DNAJC15: variants seen among roughly 807,000 people sequenced by gnomAD.
DNAJC15 encodes the protein dnaJ homolog subfamily C member 15.
In DNAJC15, 27 loss-of-function variants were observed where a neutral mutation model predicts 22.4. That is an observed-to-expected ratio of 1.20 (90% CI 0.89 to 1.66). The LOEUF (loss-of-function observed/expected upper bound fraction) is 1.66, where lower values mean the gene tolerates loss of function less well. Ranked by LOEUF, DNAJC15 falls within the 40% of genes most tolerant of loss-of-function variation. The pLI is 0.00. For missense variants in DNAJC15, 208 were observed against 187.1 expected (o/e 1.11, Z -0.65); for synonymous variants, 79 against 63.2 (o/e 1.25, Z -1.19).
intron 1 of DNAJC15, among the ~76,000 whole-genome samples, chr13:43,060,315 C>T (rs183098587): frequency 7.9e-5 from 12 of 152,106 alleles, no homozygotes; most frequent in Non-Finnish European, 1.3e-4. Context: ...TTAGAAGGAG[C>T]ATTTGTCATA....
intron 2 of DNAJC15, among the ~76,000 whole-genome samples, chr13:43,068,476 A>G (rs2040593371): frequency 6.6e-6 from 1 of 152,136 alleles, no homozygotes; most frequent in Non-Finnish European, 1.5e-5. Context: ...ATTTCTGTGT[A>G]GTATAGATCA....
Position 43,113,971 on chromosome 13 carries a change from TTCTACTCTA to T in DNAJC15, c.*6727_*6735del. On this transcript the variant is annotated 3_prime_UTR_variant, in exon 6 of 6. Coordinates refer to ENST00000379221, the MANE Select transcript of DNAJC15 (RefSeq NM_013238.3). ...TTGGGACTTAGGTAATCAGTTTGCC[TTCTACTCTA>T]TCTCATTTTGTACTCGCTTACATAC... 1 of 152,328 alleles carries T rather than the reference TTCTACTCTA, an allele frequency of 6.6e-6. No individual in the cohort carries two copies. The highest frequency in any genetic ancestry group is 2.1e-4 in the South Asian group (1 of 4,828). 9.4% of individuals were successfully genotyped at this position (152,328 alleles called of 1,614,324 possible). A position where few individuals can be genotyped will look rare whatever the true frequency, so the allele number is the denominator to read the frequency against.
intron 5 of DNAJC15, among the ~76,000 whole-genome samples, chr13:43,091,294 G>T (rs2040713760): frequency 6.6e-6 from 1 of 152,076 alleles, no homozygotes; most frequent in African/African-American, 2.4e-5. Context: ...CACCATGTTG[G>T]CCAGGCTGGT....
At chr13:43,082,857 T>TATATATATATAC (rs144193543) in intron 4 of DNAJC15, among the ~76,000 whole-genome samples, 29,897 of 149,172 alleles carry the variant, frequency 0.2, 3,678 homozygotes, top group Non-Finnish European at 0.29. Context: ...TATATATATA[T>TATATATATATAC]ATACACACAT....
At chr13:43,040,438 C>T (rs1366045100) in intron 1 of DNAJC15, among the ~76,000 whole-genome samples, 1 of 152,144 alleles carries the variant, frequency 6.6e-6, no homozygotes, top group African/African-American at 2.4e-5. Context: ...GAAGTGACCC[C>T]ATAATGTTAA....
At chr13:43,038,957 C>G (rs1462696887) in intron 1 of DNAJC15, among the ~76,000 whole-genome samples, 1 of 152,080 alleles carries the variant, frequency 6.6e-6, no homozygotes, top group Non-Finnish European at 1.5e-5. Flanking sequence ...AATTTAAAAA[C>G]CTACCTAGTA....
chr13:43,080,255 G>A (rs1047397045), intron 4 of DNAJC15, among the ~76,000 whole-genome samples: 15 of 152,038 alleles, frequency 9.9e-5, no homozygotes, highest in African/African-American at 3.4e-4. Flanking sequence ...AGGCCTCAGT[G>A]TCTGTTTTTC....
chr13:43,047,102 G>A (rs1036000501), intron 1 of DNAJC15, among the ~76,000 whole-genome samples: 3 of 152,080 alleles, frequency 2.0e-5, no homozygotes, highest in South Asian at 2.1e-4. Flanking sequence ...TTTTGGGAGC[G>A]GCCCACCCCA....
Position 43,112,778 on chromosome 13 carries a change from ACT to A in DNAJC15, c.*5533_*5534del, listed in dbSNP as rs1263861426. 8 of 152,166 alleles carry A rather than the reference ACT, an allele frequency of 5.3e-5. No homozygotes were observed. Among genetic ancestry groups the A allele is most frequent in the South Asian group, 2.1e-4 (1 of 4,820 alleles). The allele number at this position is 152,166 out of a possible 1,614,324, so 9.4% of individuals were successfully genotyped here. On this transcript the variant is annotated 3_prime_UTR_variant, in exon 6 of 6. Transcript: ENST00000379221. ...TGGTGGCACTAGGAACCAAATTCAG[ACT>A]CTGAATCGCATGCTGTTTATATTAT...
At position 43,091,379 on chromosome 13, in the gene DNAJC15, C is replaced by T. The variant is rs192043708; in HGVS notation, c.382+5541C>T. Among the ~76,000 whole-genome samples the T allele has an allele frequency of 2.8e-4, 42 of 152,332 alleles. No homozygotes were observed. The East Asian group carries it at 7.0e-3, about 25-fold the overall frequency. On this transcript the variant is annotated intron_variant, in intron 5 of 5. Coordinates refer to ENST00000379221, the MANE Select transcript of DNAJC15 (RefSeq NM_013238.3). The stretch of plus-strand genomic sequence containing the variant: ...CTGGGATTACAGGCGTGAGCCACTG[C>T]GCCTGGCCAATTCAGGTTATTTAAA...
intron 5 of DNAJC15, among the ~76,000 whole-genome samples, chr13:43,090,620 T>G (rs576547536): frequency 3.3e-5 from 5 of 152,158 alleles, no homozygotes; most frequent in African/African-American, 1.2e-4. Context: ...TTGACAGATA[T>G]TGTTATCAAG....
intron 4 of DNAJC15, among the ~76,000 whole-genome samples, chr13:43,085,477 T>TA (rs2040683478): frequency 1.3e-5 from 2 of 152,160 alleles, no homozygotes; most frequent in Admixed American, 1.3e-4. Flanking sequence ...TTTTCAAACT[T>TA]ACAGTATTGT....
chr13:43,079,692 A>T (rs2040652781), intron 4 of DNAJC15, among the ~76,000 whole-genome samples: 2 of 152,174 alleles, frequency 1.3e-5, no homozygotes, highest in Non-Finnish European at 2.9e-5. Flanking sequence ...CCTGTTGATT[A>T]TCTTGAAATC....
intron 5 of DNAJC15, among the ~76,000 whole-genome samples, chr13:43,098,976 A>T (rs73190323): frequency 0.21 from 31,692 of 152,114 alleles, 4,257 homozygotes; most frequent in Non-Finnish European, 0.3. Flanking sequence ...TCTGTAAATT[A>T]GAATGGGGAA....
chr13:43,107,130 A>G, intron 5 of DNAJC15, 48 bp from the exon 6 acceptor site: 1 of 1,462,482 alleles, frequency 6.8e-7, no homozygotes, highest in Non-Finnish European at 9.2e-7. Flanking sequence ...ACTTTAAAGT[A>G]TGTCAATGAT....
At position 43,028,021 on chromosome 13, in the gene DNAJC15, C is replaced by T. The variant is rs567918764; in HGVS notation, c.108+4287C>T. On this transcript the variant is annotated intron_variant, in intron 1 of 5. Transcript: ENST00000379221. ...AGGCTAGAATGTTAAGTTTCATGGA[C>T]AGGGACTTTATTTGTTCTCTGGTAT... 3.3e-4 allele frequency among the ~76,000 whole-genome samples: 50 copies of T among 152,264 alleles called. No individual in the cohort carries two copies. In the South Asian group the frequency reaches 5.2e-3, roughly 16 times the overall value.
intron 1 of DNAJC15, among the ~76,000 whole-genome samples, chr13:43,037,813 G>GGC (rs2040435638): frequency 6.6e-6 from 1 of 152,196 alleles, no homozygotes; most frequent in Non-Finnish European, 1.5e-5. Flanking sequence ...GGAACACATG[G>GGC]AGGTCATGTA....
At position 43,078,685 on chromosome 13, in the gene DNAJC15, T is replaced by TA; in HGVS notation, c.310dup (p.Ser104LysfsTer8). The TA allele has an allele frequency of 6.2e-7, 1 of 1,613,262 alleles. No homozygotes were observed. On this transcript the variant is annotated frameshift_variant, in exon 4 of 6. Coordinates refer to ENST00000379221, the MANE Select transcript of DNAJC15 (RefSeq NM_013238.3). LOFTEE classifies it high-confidence loss of function. ...CGAGAAGCTGGTCTTATTTTAGGTG[T>TA]AAGGTAGGTGTGCAGCATAAGTATT... is the stretch of plus-strand genomic sequence containing the variant.
chr13:43,095,599 C>T (rs575213429), intron 5 of DNAJC15, among the ~76,000 whole-genome samples: 1 of 152,014 alleles, frequency 6.6e-6, no homozygotes, highest in East Asian at 1.9e-4. Flanking sequence ...AGGAAAAAAC[C>T]CCGAGGATCC....
Sources: allele counts gnomAD v4.1 joint callset (sites outside exome capture counted in the v4.1 genomes callset), GRCh38; gene constraint gnomAD v4.1.1; transcripts MANE v1.5; gene names NCBI Gene and HGNC (gene_info 2026-07-23, HGNC 2026-07-21).